The following ITPR1 variants were observed in gnomAD, a reference collection of about 807,000 sequenced individuals.
ITPR1 encodes inositol 1,4,5-trisphosphate-gated calcium channel ITPR1.
In ITPR1, 96 loss-of-function variants were observed where a neutral mutation model predicts 318.4. The ratio of observed to expected loss-of-function variants is 0.30; its 90% CI spans 0.26 to 0.36. The LOEUF is 0.36. ITPR1 is among the 10% of genes least tolerant of loss of function. The probability of loss-of-function intolerance (pLI) is 1.00; values close to 1 mark genes in which losing one functional copy is unlikely to be tolerated. For missense variants in ITPR1, 2,440 were observed against 3,460.2 expected, an observed-to-expected ratio of 0.71 and a Z score of 7.40; for synonymous variants, 1,312 against 1,289.9, an observed-to-expected ratio of 1.02 and a Z score of -0.37.
chr3:4,804,669 C>T (rs1044651541), intron 54 of ITPR1, among the ~76,000 whole-genome samples: 1 of 152,118 alleles, frequency 6.6e-6, no homozygotes. Flanking sequence ...TCTGCCTCTC[C>T]CTGAAACCAC....
chr3:4,542,698 G>A (rs551492657), intron 4 of ITPR1, among the ~76,000 whole-genome samples: 46 of 151,962 alleles, frequency 3.0e-4, no homozygotes, highest in African/African-American at 9.9e-4. Context: ...GGGTGGGTCT[G>A]AGCTTTATGC....
At chr3:4,750,377 C>G (rs1340663644) in intron 44 of ITPR1, 4 of 152,128 alleles carry the variant, frequency 2.6e-5, no homozygotes. Flanking sequence ...GATTAAAGTC[C>G]TCAACCAGCA....
At chr3:4,699,735 C>A in intron 34 of ITPR1, 78 bp from the exon 35 acceptor site, 1 of 1,446,560 alleles carries the variant, frequency 6.9e-7, no homozygotes, top group Non-Finnish European at 9.6e-7. Context: ...AAAAGTAACC[C>A]ACAGGAGGGA....
At chr3:4,634,889 C>G (rs531974026) in intron 5 of ITPR1, among the ~76,000 whole-genome samples, 1 of 152,306 alleles carries the variant, frequency 6.6e-6, no homozygotes, top group Admixed American at 6.5e-5. Context: ...CAGGCATGCA[C>G]CACCACACCT....
intron 12 of ITPR1, among the ~76,000 whole-genome samples, chr3:4,654,574 T>C (rs956981354): frequency 2.0e-5 from 3 of 152,216 alleles, no homozygotes; most frequent in African/African-American, 7.2e-5. Flanking sequence ...ACAGTTTTCT[T>C]GTGGAGTGCT....
chr3:4,788,750 A>C lies in ITPR1; in HGVS notation c.6808+611A>C, dbSNP rs975309137. The stretch of plus-strand genomic sequence containing the variant: ...TGTTCCTGGTTTTCACTGGGGTTTT[A>C]ATGTGATCCTTCAGTACCAGCCTTG... On this transcript the variant is annotated intron_variant, in intron 52 of 61. Transcript: ENST00000649015. 7.2e-5 allele frequency among the ~76,000 whole-genome samples: 11 copies of C among 152,304 alleles called. 1 individual carries two copies. The South Asian group carries it at 2.3e-3, about 32-fold the overall frequency.
rs1364065480 is a variant in ITPR1 at position 4,639,448 on chromosome 3, T to G, written c.344T>G (p.Ile115Ser). Residue 115 changes from isoleucine (I) to serine (S), a missense_variant, in exon 6 of 62, where the codon ATC becomes AGC. Transcript: ENST00000649015. ...TENRKLLGTV[I>S]QYGNVIQLLH... ...AACAGGAAATTGCTGGGGACCGTAA[T>G]CCAGTATGGCAATGTGATCCAGGTA... 6.3e-7 allele frequency: 1 copy of G among 1,582,146 alleles called. No homozygotes were observed. Among genetic ancestry groups the G allele is most frequent in the Non-Finnish European group, 8.6e-7 (1 of 1,163,610 alleles).
chr3:4,673,366 C>T lies in ITPR1; in HGVS notation c.2435C>T (p.Pro812Leu). 1 of 1,609,006 alleles carries T rather than the reference C, an allele frequency of 6.2e-7. No homozygotes were observed. The highest frequency in any genetic ancestry group is 8.5e-7 in the Non-Finnish European group (1 of 1,175,922). The change falls in exon 21 of 62, where the codon CCC (proline) becomes CTC (leucine). Residue 812 changes from proline to leucine, a missense_variant. Coordinates refer to ENST00000649015, the MANE Select transcript of ITPR1 (RefSeq NM_001378452.1). The part of the protein sequence containing the change: ...VKYARLWSEI[P>L]SEIAIDDYDS... ...TATGCCCGCCTCTGGTCGGAGATTC[C>T]CTCGGAGATCGCCATTGACGAGTGA...
chr3:4,763,537 C>T (rs578074491), intron 44 of ITPR1, among the ~76,000 whole-genome samples: 1 of 152,354 alleles, frequency 6.6e-6, no homozygotes, highest in East Asian at 1.9e-4. Context: ...CCTCATTCCC[C>T]ATTCTCCAGT....
At chr3:4,787,578 A>G (rs1246410014) in intron 51 of ITPR1, among the ~76,000 whole-genome samples, 7 of 149,778 alleles carry the variant, frequency 4.7e-5, no homozygotes, top group Non-Finnish European at 8.9e-5. Flanking sequence ...CGTGCCTGTA[A>G]TCCCAGCTAC....
intron 42 of ITPR1, among the ~76,000 whole-genome samples, chr3:4,731,988 C>G (rs1436309764): frequency 6.6e-6 from 1 of 152,232 alleles, no homozygotes; most frequent in Admixed American, 6.5e-5. Context: ...TTCTCCCTCA[C>G]CTCTCTTCAT....
chr3:4,523,997 T>G (rs1473596954), intron 4 of ITPR1, among the ~76,000 whole-genome samples: 1 of 152,226 alleles, frequency 6.6e-6, no homozygotes. Flanking sequence ...TGACTTGATT[T>G]GTTGAGTGCT....
chr3:4,680,469 C>T (rs2094275941), intron 24 of ITPR1, 84 bp from the exon 25 acceptor site: 7 of 1,236,060 alleles, frequency 5.7e-6, no homozygotes, highest in Non-Finnish European at 8.2e-6. Flanking sequence ...TGATACCAGG[C>T]CCCGCCAGTG....
intron 53 of ITPR1, among the ~76,000 whole-genome samples, chr3:4,797,295 A>G (rs1313976348): frequency 2.0e-5 from 3 of 152,038 alleles, no homozygotes; most frequent in Non-Finnish European, 4.4e-5. Context: ...AACCATCCTC[A>G]GTAGAAGAGT....
chr3:4,732,171 T>TATCCCCCAG (rs1486456386), intron 42 of ITPR1, among the ~76,000 whole-genome samples: 2 of 152,246 alleles, frequency 1.3e-5, no homozygotes, highest in African/African-American at 2.4e-5. Flanking sequence ...CTGCCTCTGG[T>TATCCCCCAG]TACTGGCTTG....
chr3:4,787,337 C>CAAAAAAAAAAAAAAAA, intron 51 of ITPR1, among the ~76,000 whole-genome samples: 1 of 51,346 alleles, frequency 1.9e-5, no homozygotes, highest in Non-Finnish European at 3.2e-5. Flanking sequence ...GACTCCATCT[C>CAAAAAAAAAAAAAAAA]AAAAAAAAAA....
At position 4,521,465 on chromosome 3, in the gene ITPR1, A is replaced by T. The variant is rs150906513; in HGVS notation, c.163+371A>T. ...CGTTTGGGGATGCTGATATTCTTAG[A>T]TACCTTCTTTAAGAGGTATCTAATG... On this transcript the variant is annotated intron_variant, in intron 4 of 61. Coordinates refer to ENST00000649015, the MANE Select transcript of ITPR1 (RefSeq NM_001378452.1). 2.6e-4 allele frequency among the ~76,000 whole-genome samples: 40 copies of T among 152,286 alleles called. No individual in the cohort carries two copies. The East Asian group carries it at 7.5e-3, about 29-fold the overall frequency.
rs2045962536 is a variant in ITPR1 at position 4,768,494 on chromosome 3, T to G, written c.5726-17T>G. ...TGAGGACTCTGCAGCCTTTCATGCC[T>G]TATGCTTGCTTTCTAGCTAAAGAGC... On this transcript the variant is annotated splice_polypyrimidine_tract_variant and intron_variant, in intron 45 of 61. Coordinates refer to ENST00000649015, the MANE Select transcript of ITPR1 (RefSeq NM_001378452.1). 6.3e-7 allele frequency: 1 copy of G among 1,594,762 alleles called. No homozygotes were observed. The highest frequency in any genetic ancestry group is 1.3e-5 in the African/African-American group (1 of 74,356).
intron 49 of ITPR1, among the ~76,000 whole-genome samples, chr3:4,780,968 T>C (rs2046795545): frequency 6.6e-6 from 1 of 152,218 alleles, no homozygotes; most frequent in Non-Finnish European, 1.5e-5. Context: ...TTCTGGCTCA[T>C]AGGAGGAGTC....
Sources: allele counts gnomAD v4.1 joint callset (sites outside exome capture counted in the v4.1 genomes callset), GRCh38; gene constraint gnomAD v4.1.1; transcripts MANE v1.5; gene names NCBI Gene and HGNC (gene_info 2026-07-23, HGNC 2026-07-21).